The following MAGI2 variants were observed in gnomAD, a reference collection of about 807,000 sequenced individuals.
The protein encoded by MAGI2 is membrane associated guanylate kinase, WW and PDZ domain containing 2.
A neutral mutation model predicts 133.3 loss-of-function variants in MAGI2; 35 were observed. The ratio of observed to expected loss-of-function variants is 0.26; its 90% CI spans 0.20 to 0.35. The LOEUF (loss-of-function observed/expected upper bound fraction) is 0.35, where lower values mean the gene tolerates loss of function less well. Among genes scored for constraint, MAGI2 ranks in the 10% least tolerant of loss-of-function variants. MAGI2 has a pLI of 1.00. For missense variants in MAGI2, 1,636 were observed against 1,863.4 expected, an observed-to-expected ratio of 0.88 and a Z score of 2.25; for synonymous variants, 729 against 710.6, an observed-to-expected ratio of 1.03 and a Z score of -0.41.
intron 3 of MAGI2, chr7:78,618,830 A>C (rs1359978857): frequency 6.6e-6 from 1 of 151,644 alleles, no homozygotes; most frequent in Non-Finnish European, 1.5e-5. Flanking sequence ...AAATTCATAG[A>C]AGGAGAGAGT....
intron 2 of MAGI2, among the ~76,000 whole-genome samples, chr7:78,810,258 T>C (rs1027546601): frequency 6.6e-6 from 1 of 151,932 alleles, no homozygotes; most frequent in Non-Finnish European, 1.5e-5. Context: ...CTGAGGGAGG[T>C]CAATTAAAAA....
chr7:79,012,071 A>G (rs919439386), intron 1 of MAGI2: 1 of 151,962 alleles, frequency 6.6e-6, no homozygotes. Context: ...GTCAATCAAA[A>G]TGTTTCTTCC....
intron 3 of MAGI2, among the ~76,000 whole-genome samples, chr7:78,594,561 G>C (rs1382800455): frequency 6.6e-6 from 1 of 152,148 alleles, no homozygotes; most frequent in African/African-American, 2.4e-5. Context: ...GGGTTCAAGT[G>C]ATTCTCCTGC....
chr7:78,846,171 G>A (rs957427053), intron 2 of MAGI2, among the ~76,000 whole-genome samples: 5 of 151,534 alleles, frequency 3.3e-5, no homozygotes, highest in Admixed American at 6.6e-5. Context: ...GGGAAGTAAT[G>A]TCAATCAGAT....
chr7:78,608,898 C>T (rs1480217601), intron 3 of MAGI2, among the ~76,000 whole-genome samples: 2 of 152,114 alleles, frequency 1.3e-5, no homozygotes, highest in Non-Finnish European at 2.9e-5. Flanking sequence ...CTATATCTAT[C>T]TACATATGGG....
chr7:78,551,670 G>T (rs900224627), intron 3 of MAGI2, among the ~76,000 whole-genome samples: 1 of 152,224 alleles, frequency 6.6e-6, no homozygotes, highest in Non-Finnish European at 1.5e-5. Context: ...TCCAGCTGTT[G>T]TGCTTGAATT....
At chr7:78,841,511 C>G (rs1224069335) in intron 2 of MAGI2, among the ~76,000 whole-genome samples, 2 of 151,926 alleles carry the variant, frequency 1.3e-5, no homozygotes, top group African/African-American at 4.8e-5. Context: ...CTTATGCATC[C>G]CTCTCATCCT....
chr7:78,558,529 GA>G (rs1192831115), intron 3 of MAGI2, among the ~76,000 whole-genome samples: 4 of 152,172 alleles, frequency 2.6e-5, no homozygotes, highest in African/African-American at 9.7e-5. Context: ...ATGAGGCAGT[GA>G]AAATGGTTAC....
At chr7:79,204,420 T>A (rs1027423789) in intron 1 of MAGI2, among the ~76,000 whole-genome samples, 5 of 152,070 alleles carry the variant, frequency 3.3e-5, no homozygotes, top group African/African-American at 1.2e-4. Flanking sequence ...AGGCTTCTAG[T>A]AGCACTTCAC....
chr7:78,372,604 G>A (rs963159956), intron 6 of MAGI2, among the ~76,000 whole-genome samples: 1 of 152,122 alleles, frequency 6.6e-6, no homozygotes, highest in Non-Finnish European at 1.5e-5. Context: ...GTTGCATTAA[G>A]AACTGTTTTA....
chr7:78,445,095 A>G (rs942357127), intron 6 of MAGI2, among the ~76,000 whole-genome samples: 1 of 151,672 alleles, frequency 6.6e-6, no homozygotes, highest in African/African-American at 2.4e-5. Context: ...GAAAATGTCT[A>G]AATTCCTTAG....
chr7:79,297,212 A>G (rs1029604625), intron 1 of MAGI2, among the ~76,000 whole-genome samples: 1 of 152,232 alleles, frequency 6.6e-6, no homozygotes, highest in Non-Finnish European at 1.5e-5. Flanking sequence ...TGAAAGATGC[A>G]TCCCAATTTT....
At chr7:78,479,828 A>T (rs1486443992) in intron 6 of MAGI2, among the ~76,000 whole-genome samples, 1 of 152,008 alleles carries the variant, frequency 6.6e-6, no homozygotes, top group African/African-American at 2.4e-5. Context: ...AAGGATTTTA[A>T]ATCAGCCATC....
intron 21 of MAGI2, among the ~76,000 whole-genome samples, chr7:78,038,316 T>C (rs1810445922): frequency 6.6e-6 from 1 of 152,208 alleles, no homozygotes; most frequent in African/African-American, 2.4e-5. Flanking sequence ...CAGATGAATA[T>C]GGCGTATGTG....
At chr7:78,620,683 T>G (rs1807637865) in intron 3 of MAGI2, among the ~76,000 whole-genome samples, 1 of 152,002 alleles carries the variant, frequency 6.6e-6, no homozygotes, top group African/African-American at 2.4e-5. Context: ...TGTACTATGT[T>G]GTGTCAGATG....
At chr7:78,352,172 A>T (rs1019019065) in intron 7 of MAGI2, among the ~76,000 whole-genome samples, 1 of 152,196 alleles carries the variant, frequency 6.6e-6, no homozygotes, top group Non-Finnish European at 1.5e-5. Flanking sequence ...AAGTCTCTTG[A>T]CTAGACACTA....
chr7:78,528,562 G>A (rs997183722), intron 3 of MAGI2, among the ~76,000 whole-genome samples: 7 of 152,102 alleles, frequency 4.6e-5, no homozygotes, highest in South Asian at 2.1e-4. Context: ...ATAAAATGAC[G>A]TGAGTAAATA....
chr7:79,339,796 G>A (rs527702890), intron 1 of MAGI2, among the ~76,000 whole-genome samples: 2 of 152,152 alleles, frequency 1.3e-5, no homozygotes, highest in East Asian at 3.9e-4. Flanking sequence ...CTTAAACTTT[G>A]TTTCCTTGAG....
chr7:78,352,485 T>C lies in MAGI2; in HGVS notation c.1104-6442A>G, dbSNP rs184526307. On this transcript the variant is annotated intron_variant, in intron 7 of 21. Transcript: ENST00000354212. Reference sequence around the variant, plus strand: ...TTTCTTCCCAATTCTAACACTTAAGTGATAATTTTCCTTCTATAAACGTCC... The same window carrying C: ...TTTCTTCCCAATTCTAACACTTAAGCGATAATTTTCCTTCTATAAACGTCC... Among the ~76,000 whole-genome samples the C allele has an allele frequency of 1.6e-3, 248 of 152,326 alleles. 1 individual carries two copies. The highest frequency in any genetic ancestry group is 5.4e-3 in the South Asian group (26 of 4,826).
Sources: allele counts gnomAD v4.1 joint callset (sites outside exome capture counted in the v4.1 genomes callset), GRCh38; gene constraint gnomAD v4.1.1; transcripts MANE v1.5; gene names NCBI Gene and HGNC (gene_info 2026-07-23, HGNC 2026-07-21).